The following SYNGR2 variants were observed in gnomAD, a reference collection of about 807,000 sequenced individuals.
The protein encoded by SYNGR2 is synaptogyrin-2.
Under a neutral mutation model 18.7 loss-of-function variants are expected in SYNGR2, and 11 were observed. The ratio of observed to expected loss-of-function variants is 0.59; its 90% CI spans 0.37 to 0.97. SYNGR2 has a LOEUF of 0.97. SYNGR2 is among the 50% of genes least tolerant of loss of function. The pLI is 0.01. For synonymous variants in SYNGR2, 127 were observed against 131.0 expected (o/e 0.97, Z 0.21); for missense variants, 253 against 300.7 (o/e 0.84, Z 1.17).
At chr17:78,169,417 T>C (rs777658748) in intron 1 of SYNGR2, among the ~76,000 whole-genome samples, 6 of 152,054 alleles carry the variant, frequency 3.9e-5, no homozygotes, top group Non-Finnish European at 7.4e-5. Context: ...CCACACCAGC[T>C]CCCAGCCAGG....
rs773821346 is a variant in SYNGR2, at chr17:78,171,766, C to T, written c.505C>T (p.Arg169Cys). The change falls in exon 4 of 4, where the codon CGC becomes TGC. Residue 169 changes from arginine (R) to cysteine (C), a missense_variant. Arg to Cys is a radical substitution (Grantham distance 180, BLOSUM62 -3). Transcript: ENST00000225777. The surrounding 1 kb of genome is among the most constrained non-coding windows in gnomAD (Gnocchi z 6.6). ...WGVLASLAYQ[R>C]YKAGVDDFIQ... ...TGTGCTGGCCTCCCTGGCCTACCAGCGCTACAAGGCTGGCGTGGACGACTT... is the reference window on the plus strand; with the variant it reads ...TGTGCTGGCCTCCCTGGCCTACCAGTGCTACAAGGCTGGCGTGGACGACTT... 65 of 1,614,104 alleles carry T rather than the reference C, an allele frequency of 4.0e-5. No homozygotes were observed. The highest frequency in any genetic ancestry group is 1.8e-4 in the South Asian group (16 of 91,078).
downstream of SYNGR2, chr17:78,172,789 G>T (rs535846084): frequency 6.6e-6 from 1 of 152,276 alleles, no homozygotes; most frequent in Non-Finnish European, 1.5e-5. Flanking sequence ...ACACCCTTAG[G>T]GGCTGGCTTT....
At chr17:78,168,993 C>G (rs9907620) in intron 1 of SYNGR2, among the ~76,000 whole-genome samples, 17,016 of 152,098 alleles carry the variant, frequency 0.11, 1,653 homozygotes, top group African/African-American at 0.26. Flanking sequence ...CGGGCCCCTG[C>G]CTCGCTGGCA....
rs1287093042 is a variant in SYNGR2, at chr17:78,172,084, G to A, written c.*148G>A. The A allele has an allele frequency of 1.4e-5, 21 of 1,470,516 alleles. No homozygotes were observed. The highest frequency in any genetic ancestry group is 2.7e-5 in the South Asian group (2 of 74,758). 91.1% of individuals were successfully genotyped at this position (1,470,516 alleles called of 1,614,324 possible). A position where few individuals can be genotyped will look rare whatever the true frequency, so the allele number is the denominator to read the frequency against. On this transcript the variant is annotated 3_prime_UTR_variant, in exon 4 of 4. Coordinates refer to ENST00000225777, the MANE Select transcript of SYNGR2 (RefSeq NM_004710.7). ...CAGCTAAGGAGCCTCATAGCCTGGC[G>A]GGGGCTGGCAGAGCCACACCCCAAG...
rs1283779522 is a variant in SYNGR2, at chr17:78,169,267, T to TG, written c.99+553dup. On this transcript the variant is annotated intron_variant, in intron 1 of 3. Coordinates refer to ENST00000225777, the MANE Select transcript of SYNGR2 (RefSeq NM_004710.7). The stretch of plus-strand genomic sequence containing the variant: ...TCCAAAACCAGGTTTTGTGTGTGTG[T>TG]GTGTGTGGCGGGGAGGGGGCCTGTT... 9.8e-3 allele frequency: 245 copies of TG among 25,082 alleles called. 2 individuals are homozygous for TG. The highest frequency in any genetic ancestry group is 0.049 in the African/African-American group (210 of 4,250). 1.6% of individuals were successfully genotyped at this position (25,082 alleles called of 1,614,324 possible).
At chr17:78,170,795 C>T (rs1289633161) in intron 1 of SYNGR2, 22 bp from the exon 2 acceptor site, 1 of 1,599,202 alleles carries the variant, frequency 6.3e-7, no homozygotes, top group South Asian at 1.1e-5. Flanking sequence ...ACCAGCCCTA[C>T]CAGGTCCTCC....
At position 78,171,412 on chromosome 17, in the gene SYNGR2, C is replaced by A; in HGVS notation, c.338-98C>A. 7.0e-7 allele frequency: 1 copy of A among 1,428,984 alleles called. No individual in the cohort carries two copies. The allele number at this position is 1,428,984 out of a possible 1,614,324, so 88.5% of individuals were successfully genotyped here. On this transcript the variant is annotated intron_variant, in intron 2 of 3. Transcript: ENST00000225777. The surrounding 1 kb of genome is among the most constrained non-coding windows in gnomAD (Gnocchi z 6.6). ...CTCCCCTCCATAGTGTGGAGGCTCCCCCGGGAGGTCCCTGCCCTACCTGCC... is the reference window on the plus strand; with the variant it reads ...CTCCCCTCCATAGTGTGGAGGCTCCACCGGGAGGTCCCTGCCCTACCTGCC...
chr17:78,171,441 G>A lies in SYNGR2; in HGVS notation c.338-69G>A, dbSNP rs921611892. On this transcript the variant is annotated intron_variant, in intron 2 of 3. Transcript: ENST00000225777. This position sits in a 1 kb window ranked among gnomAD's most constrained non-coding sequence, Gnocchi z 6.6. ...GGAGGTCCCTGCCCTACCTGCCCGCGTCCCCTCCCAGAGTCCTGGAAAGCC... is the reference window on the plus strand; with the variant it reads ...GGAGGTCCCTGCCCTACCTGCCCGCATCCCCTCCCAGAGTCCTGGAAAGCC... 4.6e-5 allele frequency: 69 copies of A among 1,499,112 alleles called. No homozygotes were observed. The highest frequency in any genetic ancestry group is 1.8e-4 in the Middle Eastern group (1 of 5,576). 92.9% of individuals were successfully genotyped at this position (1,499,112 alleles called of 1,614,324 possible).
At position 78,170,920 on chromosome 17, in the gene SYNGR2, G is replaced by A. The variant is rs764490222; in HGVS notation, c.203G>A (p.Cys68Tyr). 4.7e-5 allele frequency: 76 copies of A among 1,613,414 alleles called. No individual in the cohort carries two copies. Among genetic ancestry groups the A allele is most frequent in the Non-Finnish European group, 6.4e-5 (75 of 1,180,048 alleles). Residue 68 changes from cysteine (C) to tyrosine (Y), a missense_variant, in exon 2 of 4, where the codon TGC (cysteine) becomes TAC (tyrosine). Physicochemically the swap from Cys to Tyr is radical, Grantham distance 194. Coordinates refer to ENST00000225777, the MANE Select transcript of SYNGR2 (RefSeq NM_004710.7). ...GTGTTCAACCGCAACGAGGATGCCTGCCGCTATGGCAGTGCCATCGGGGTG... is the reference window on the plus strand; with the variant it reads ...GTGTTCAACCGCAACGAGGATGCCTACCGCTATGGCAGTGCCATCGGGGTG... ...YCVFNRNEDA[C>Y]RYGSAIGVLA...
chr17:78,171,577 G>A lies in SYNGR2; in HGVS notation c.405G>A (p.Pro135=), dbSNP rs148851394. Reference sequence around the variant, plus strand: ...CCAACCAGTGGGCAGTCACCAACCCGAAGGACGTGCTGGTGGGGGCCGACT... The same window carrying A: ...CCAACCAGTGGGCAGTCACCAACCCAAAGGACGTGCTGGTGGGGGCCGACT... ...FLTNQWAVTN[P]KDVLVGADSV... Residue 135 remains proline, a synonymous_variant, in exon 3 of 4, where the codon CCG becomes CCA. Transcript: ENST00000225777. This position sits in a 1 kb window ranked among gnomAD's most constrained non-coding sequence, Gnocchi z 6.6. The A allele has an allele frequency of 7.4e-4, 1,140 of 1,549,202 alleles. 5 individuals are homozygous for A. In the African/African-American group the frequency reaches 9.0e-3, roughly 12 times the overall value.
chr17:78,169,260 GTGTGTGTGTGTGT>G (rs1567826168), intron 1 of SYNGR2: 25 of 52,368 alleles, frequency 4.8e-4, no homozygotes, highest in African/African-American at 2.1e-3. Context: ...CAGGTTTTGT[GTGTGTGTGTGTGT>G]GGCGGGGAGG....
Position 78,171,560 on chromosome 17 carries a change from T to C in SYNGR2, c.388T>C (p.Trp130Arg). Residue 130 changes from tryptophan to arginine, a missense_variant, in exon 3 of 4, where the codon TGG becomes CGG. Coordinates refer to ENST00000225777, the MANE Select transcript of SYNGR2 (RefSeq NM_004710.7). The surrounding 1 kb of genome is among the most constrained non-coding windows in gnomAD (Gnocchi z 6.6). ...FVGFCFLTNQ[W>R]AVTNPKDVLV... ...TGGTTTCTGCTTCCTCACCAACCAG[T>C]GGGCAGTCACCAACCCGAAGGACGT... The C allele has an allele frequency of 1.3e-6, 2 of 1,537,144 alleles. No homozygotes were observed. Among genetic ancestry groups the C allele is most frequent in the Non-Finnish European group, 1.8e-6 (2 of 1,141,704 alleles).
In SYNGR2 at chr17:78,170,895, G is replaced by T. The variant is rs78947498; in HGVS notation, c.178G>T (p.Val60Leu). The change falls in exon 2 of 4, where the codon GTG becomes TTG. Residue 60 changes from valine (V) to leucine (L), a missense_variant. Physicochemically the swap from Val to Leu is conservative, Grantham distance 32. Transcript: ENST00000225777. ...NAHESKQMYC[V>L]FNRNEDACRY... ...CCACGAGTCTAAGCAGATGTACTGC[G>T]TGTTCAACCGCAACGAGGATGCCTG... 11 of 1,613,482 alleles carry T rather than the reference G, an allele frequency of 6.8e-6. No individual in the cohort carries two copies. Among genetic ancestry groups the T allele is most frequent in the Non-Finnish European group, 9.3e-6 (11 of 1,180,036 alleles).
rs144597599 is a variant in SYNGR2 at position 78,170,349 on chromosome 17, C to G, written c.100-468C>G. On this transcript the variant is annotated intron_variant, in intron 1 of 3. Transcript: ENST00000225777. Reference sequence around the variant, plus strand: ...TCATCCTGGGGTGCATCAGGAAGCACTTTGCTCATCAGCTCACCTCCACAA... The same window carrying G: ...TCATCCTGGGGTGCATCAGGAAGCAGTTTGCTCATCAGCTCACCTCCACAA... The G allele has an allele frequency of 8.7e-3, 1,383 of 158,482 alleles. 15 individuals carry two copies. Among genetic ancestry groups the G allele is most frequent in the African/African-American group, 0.031 (1,298 of 41,646 alleles). The allele number at this position is 158,482 out of a possible 1,614,324, so 9.8% of individuals were successfully genotyped here.
Position 78,168,587 on chromosome 17 carries a change from C to CGCGGCGGCG in SYNGR2, c.-27_-19dup, listed in dbSNP as rs1006830707. ...GCGCCGGGCAGGTTCCTCTGCGTTC[C>CGCGGCGGCG]GCGGCGGCGGCAGCGGCGGCGACGG... On this transcript the variant is annotated 5_prime_UTR_variant, in exon 1 of 4. Transcript: ENST00000225777. The CGCGGCGGCG allele has an allele frequency of 1.4e-5, 17 of 1,176,312 alleles. No homozygotes were observed. The African/African-American group carries it at 2.1e-4, about 14-fold the overall frequency. 72.9% of individuals were successfully genotyped at this position (1,176,312 alleles called of 1,614,324 possible).
rs2075656592 is a variant in SYNGR2 at position 78,171,295 on chromosome 17, C to T, written c.338-215C>T. On this transcript the variant is annotated intron_variant, in intron 2 of 3. Transcript: ENST00000225777. This position sits in a 1 kb window ranked among gnomAD's most constrained non-coding sequence, Gnocchi z 6.6. Reference sequence around the variant, plus strand: ...GAGCAGATGGGCTTTGCCTCTGCCCCTTTTGTCCCCTAGGCTGTCTGCTGT... The same window carrying T: ...GAGCAGATGGGCTTTGCCTCTGCCCTTTTTGTCCCCTAGGCTGTCTGCTGT... 4.4e-6 allele frequency: 3 copies of T among 683,270 alleles called. No individual in the cohort carries two copies. Among genetic ancestry groups the T allele is most frequent in the Admixed American group, 2.9e-5 (1 of 33,936 alleles). The allele number at this position is 683,270 out of a possible 1,614,324, so 42.3% of individuals were successfully genotyped here. A position where few individuals can be genotyped will look rare whatever the true frequency, so the allele number is the denominator to read the frequency against.
In SYNGR2 at chr17:78,171,370, G is replaced by A. The variant is rs1291278028; in HGVS notation, c.338-140G>A. 24 of 1,103,504 alleles carry A rather than the reference G, an allele frequency of 2.2e-5. No individual in the cohort carries two copies. In the East Asian group the frequency reaches 2.3e-4, roughly 11 times the overall value. The allele number at this position is 1,103,504 out of a possible 1,614,324, so 68.4% of individuals were successfully genotyped here. ...GTGGGGGACTTTGGAGGTGGCTCCC[G>A]GCCCGGCTTCCAAGTCCTCCCCTCC... On this transcript the variant is annotated intron_variant, in intron 2 of 3. Transcript: ENST00000225777. The surrounding 1 kb of genome is among the most constrained non-coding windows in gnomAD (Gnocchi z 6.6).
chr17:78,171,502 T>TC lies in SYNGR2; in HGVS notation c.338-3dup, dbSNP rs748109894. 13 of 1,514,620 alleles carry TC rather than the reference T, an allele frequency of 8.6e-6. No individual in the cohort carries two copies. The East Asian group carries it at 2.5e-4, about 29-fold the overall frequency. The allele number at this position is 1,514,620 out of a possible 1,614,324, so 93.8% of individuals were successfully genotyped here. A position where few individuals can be genotyped will look rare whatever the true frequency, so the allele number is the denominator to read the frequency against. On this transcript the variant is annotated splice_region_variant and splice_polypyrimidine_tract_variant and intron_variant, in intron 2 of 3. Coordinates refer to ENST00000225777, the MANE Select transcript of SYNGR2 (RefSeq NM_004710.7). This position sits in a 1 kb window ranked among gnomAD's most constrained non-coding sequence, Gnocchi z 6.6. The stretch of plus-strand genomic sequence containing the variant: ...CATGGAACTGACGCTTCACCCGTCC[T>TC]CCCCCAGCTCTCTGGACCTTCCTGT...
intron 1 of SYNGR2, 94 bp from the exon 2 acceptor site, chr17:78,170,723 G>T: frequency 9.5e-7 from 1 of 1,049,048 alleles, no homozygotes; most frequent in Admixed American, 1.9e-5. Flanking sequence ...CAGCAGTAGT[G>T]GGAGAGGCCA....
Sources: gnomAD v4.1 joint callset for allele counts (sites outside exome capture counted in the v4.1 genomes callset) on GRCh38, gnomAD v4.1.1 for gene constraint, Gnocchi (gnomAD v3.1) non-coding constraint, MANE v1.5 for transcripts, NCBI Gene and HGNC (gene_info 2026-07-23, HGNC 2026-07-21) for gene names.